ATP9B: variants seen among roughly 807,000 people sequenced by gnomAD.
The protein encoded by ATP9B is ATPase phospholipid transporting 9B.
In ATP9B, 110 loss-of-function variants were observed where a neutral mutation model predicts 146.1. The ratio of observed to expected loss-of-function variants is 0.75; its 90% confidence interval spans 0.65 to 0.88. The LOEUF (loss-of-function observed/expected upper bound fraction) is 0.88. ATP9B is among the 40% of genes least tolerant of loss of function. The pLI, the probability that ATP9B is intolerant of heterozygous loss-of-function variation, is 0.00. For synonymous variants in ATP9B, 604 were observed against 569.7 expected, an observed-to-expected ratio of 1.06 and a Z score of -0.86; for missense variants, 1,499 against 1,496.4, an observed-to-expected ratio of 1.00 and a Z score of -0.03.
At position 79,261,268 on chromosome 18, in the gene ATP9B, A is replaced by C. The variant is rs1330305585; in HGVS notation, c.1268+7727A>C. Among the ~76,000 whole-genome samples the C allele has an allele frequency of 4.6e-5, 7 of 152,330 alleles. No individual in the cohort carries two copies. The East Asian group carries it at 1.3e-3, about 29-fold the overall frequency. ...TGCATGCCGTGATGGCCCCCAGAAC[A>C]TGTGCCCATATGAAATCTGTGAGTG... On this transcript the variant is annotated intron_variant, in intron 12 of 29. Coordinates refer to ENST00000426216, the MANE Select transcript of ATP9B (RefSeq NM_198531.5).
intron 9 of ATP9B, among the ~76,000 whole-genome samples, chr18:79,202,557 C>T (rs2095498417): frequency 1.3e-5 from 2 of 152,210 alleles, no homozygotes; most frequent in African/African-American, 4.8e-5. Context: ...TGCATCCTCC[C>T]CCAAGCAGAT....
intron 13 of ATP9B, among the ~76,000 whole-genome samples, chr18:79,303,221 G>A (rs1400345676): frequency 6.6e-6 from 1 of 152,164 alleles, no homozygotes; most frequent in Non-Finnish European, 1.5e-5. Context: ...AATTAGCTGG[G>A]TGTGTTGTCG....
At chr18:79,313,240 A>G (rs145819383) in intron 15 of ATP9B, among the ~76,000 whole-genome samples, 55 of 152,376 alleles carry the variant, frequency 3.6e-4, no homozygotes, top group African/African-American at 1.3e-3. Flanking sequence ...GCGTAGTTCC[A>G]CAATCATAAG....
At chr18:79,318,646 G>T (rs1446505637) in intron 15 of ATP9B, among the ~76,000 whole-genome samples, 1 of 152,208 alleles carries the variant, frequency 6.6e-6, no homozygotes, top group Non-Finnish European at 1.5e-5. Flanking sequence ...AATGGAACCT[G>T]CTGCTTGCTC....
chr18:79,229,147 C>CT (rs768141404), intron 11 of ATP9B, among the ~76,000 whole-genome samples: 19 of 152,088 alleles, frequency 1.2e-4, no homozygotes, highest in African/African-American at 2.2e-4. Flanking sequence ...AAATATAATG[C>CT]TTTTTTAGTA....
At chr18:79,348,299 C>G in intron 25 of ATP9B, 103 bp downstream of exon 25, 8 of 1,112,506 alleles carry the variant, frequency 7.2e-6, no homozygotes, top group Non-Finnish European at 1.1e-5. Flanking sequence ...ATTCTTGATA[C>G]AGTCATCATT....
intron 9 of ATP9B, among the ~76,000 whole-genome samples, chr18:79,201,513 G>A (rs959756798): frequency 1.1e-4 from 16 of 152,170 alleles, no homozygotes; most frequent in African/African-American, 3.9e-4. Flanking sequence ...TTGGGAGGCT[G>A]AGGTGGGAGT....
At chr18:79,219,827 C>G (rs2095661273) in intron 11 of ATP9B, among the ~76,000 whole-genome samples, 1 of 152,192 alleles carries the variant, frequency 6.6e-6, no homozygotes. Flanking sequence ...AGAAGTTAAT[C>G]ACAACAACAC....
chr18:79,267,838 C>G, intron 12 of ATP9B, among the ~76,000 whole-genome samples: 1 of 152,034 alleles, frequency 6.6e-6, no homozygotes, highest in Admixed American at 6.6e-5. Context: ...TTGTTGGTCA[C>G]AGGATCTCAT....
At chr18:79,128,052 C>CTTTTTTTTTTTTTT (rs1173565651) in intron 5 of ATP9B, among the ~76,000 whole-genome samples, 1 of 71,722 alleles carries the variant, frequency 1.4e-5, no homozygotes, top group African/African-American at 6.1e-5. Context: ...CCTTTGCCGA[C>CTTTTTTTTTTTTTT]TTTTTTTTTT....
rs1600490403 is a variant in ATP9B, at chr18:79,372,898, T to C, written c.3070+16T>C. 6.3e-7 allele frequency: 1 copy of C among 1,575,576 alleles called. No homozygotes were observed. The highest frequency in any genetic ancestry group is 1.7e-4 in the Middle Eastern group (1 of 5,928). Reference sequence around the variant, plus strand: ...ATTTACCAAGGTAAGACGAGATCCTTAGTTTACTGGACTAAAGATTTTTTT... The same window carrying C: ...ATTTACCAAGGTAAGACGAGATCCTCAGTTTACTGGACTAAAGATTTTTTT... On this transcript the variant is annotated intron_variant, in intron 27 of 29. Transcript: ENST00000426216.
At chr18:79,358,763 A>T (rs2096968419) in intron 25 of ATP9B, among the ~76,000 whole-genome samples, 1 of 88,428 alleles carries the variant, frequency 1.1e-5, no homozygotes, top group Non-Finnish European at 2.2e-5. Flanking sequence ...CTGGGTCTGG[A>T]GGTGTCTGTG....
chr18:79,114,957 C>G (rs980275091), intron 4 of ATP9B: 2 of 165,822 alleles, frequency 1.2e-5, no homozygotes, highest in Non-Finnish European at 2.7e-5. Flanking sequence ...CCTTTATTTC[C>G]TTCTCCTGCC....
intron 15 of ATP9B, among the ~76,000 whole-genome samples, chr18:79,322,101 C>T (rs1323270551): frequency 2.0e-5 from 3 of 152,148 alleles, no homozygotes; most frequent in East Asian, 1.9e-4. Flanking sequence ...CTGACCCCCA[C>T]GTGCCTTTTT....
chr18:79,119,002 C>G (rs1253034184), intron 4 of ATP9B, among the ~76,000 whole-genome samples: 1 of 149,736 alleles, frequency 6.7e-6, no homozygotes, highest in Non-Finnish European at 1.5e-5. Flanking sequence ...GCCTGGGACA[C>G]AGAAATTGTT....
Position 79,266,124 on chromosome 18 carries a change from T to TA in ATP9B, c.1269-10930_1269-10929insA, listed in dbSNP as rs569354062. Among the ~76,000 whole-genome samples, 61 of 152,302 alleles carry TA rather than the reference T, an allele frequency of 4.0e-4. No individual in the cohort carries two copies. In the East Asian group the frequency reaches 0.01, roughly 25 times the overall value. Reference sequence around the variant, plus strand: ...GTTCTTTAAAGAGTGTTTTAGGTCTTCTTGGCCATGAATATGGTGTATCTC... The same window carrying TA: ...GTTCTTTAAAGAGTGTTTTAGGTCTTACTTGGCCATGAATATGGTGTATCTC... On this transcript the variant is annotated intron_variant, in intron 12 of 29. Transcript: ENST00000426216.
At chr18:79,170,062 C>T (rs1054655695) in intron 7 of ATP9B, among the ~76,000 whole-genome samples, 1 of 152,186 alleles carries the variant, frequency 6.6e-6, no homozygotes, top group African/African-American at 2.4e-5. Context: ...CACTTGCAAG[C>T]TGACTGAGCT....
chr18:79,161,715 G>A (rs566714502), intron 7 of ATP9B, among the ~76,000 whole-genome samples: 318 of 152,074 alleles, frequency 2.1e-3, no homozygotes, highest in South Asian at 5.6e-3. Context: ...GCGTGGTGGC[G>A]GGCGCCTATA....
chr18:79,110,242 AGT>A, intron 2 of ATP9B, 111 bp from the exon 3 acceptor site: 1 of 991,656 alleles, frequency 1.0e-6, no homozygotes, highest in Non-Finnish European at 1.4e-6. Flanking sequence ...GTGTGCTATT[AGT>A]GTGTGGTGAA....
Sources: gnomAD v4.1 joint callset for allele counts (sites outside exome capture counted in the v4.1 genomes callset) on GRCh38, gnomAD v4.1.1 for gene constraint, MANE v1.5 for transcripts, NCBI Gene and HGNC (gene_info 2026-07-23, HGNC 2026-07-21) for gene names.